ZNF493: variants seen among roughly 807,000 people sequenced by gnomAD.
ZNF493 encodes the protein zinc finger protein 493.
In ZNF493, 11 loss-of-function variants were observed where a neutral mutation model predicts 12.2. The ratio of observed to expected loss-of-function variants is 0.90; its 90% CI spans 0.57 to 1.50. The LOEUF (loss-of-function observed/expected upper bound fraction) is 1.50. Among genes scored for constraint, ZNF493 ranks in the 40% most tolerant of loss-of-function variants. ZNF493 has a pLI of 0.00. For synonymous variants in ZNF493, 286 were observed against 302.6 expected, an observed-to-expected ratio of 0.95 and a Z score of 0.57; for missense variants, 950 against 906.6, an observed-to-expected ratio of 1.05 and a Z score of -0.61.
Position 21,423,123 on chromosome 19 carries a change from A to C in ZNF493, c.464A>C (p.Gln155Pro), listed in dbSNP as rs903983069. 11 of 1,613,512 alleles carry C rather than the reference A, an allele frequency of 6.8e-6. No homozygotes were observed. The highest frequency in any genetic ancestry group is 5.5e-5 in the South Asian group (5 of 91,024). ...ACAACTACCCAGAGCAAAATATTTCAATGTGATAAATATGTGAAAGTCTTT... is the reference window on the plus strand; with the variant it reads ...ACAACTACCCAGAGCAAAATATTTCCATGTGATAAATATGTGAAAGTCTTT... ...YLTTTQSKIF[Q>P]CDKYVKVFHK... is the part of the protein sequence containing the mutation. Residue 155 changes from glutamine to proline, a missense_variant, in exon 4 of 4, where the codon CAA (glutamine) becomes CCA (proline). Coordinates refer to ENST00000392288, the MANE Select transcript of ZNF493 (RefSeq NM_001076678.3).
intron 1 of ZNF493, among the ~76,000 whole-genome samples, chr19:21,399,581 GT>G (rs1974228484): frequency 6.6e-6 from 1 of 151,844 alleles, no homozygotes; most frequent in Admixed American, 6.6e-5. Context: ...ACTTGAAAAG[GT>G]AGAAAAATAT....
In ZNF493 at chr19:21,397,287, C is replaced by T. The variant is rs1475446666; in HGVS notation, c.30+20C>T. On this transcript the variant is annotated intron_variant, in intron 1 of 3. Coordinates refer to ENST00000392288, the MANE Select transcript of ZNF493 (RefSeq NM_001076678.3). ...GACATGGTGAGAGTGCTGGGTCCGA[C>T]ATCACGAGAGAGGGGAAGGAGTTGC... 2.5e-6 allele frequency: 4 copies of T among 1,614,156 alleles called. No homozygotes were observed. In the East Asian group the frequency reaches 8.9e-5, roughly 36 times the overall value.
intron 3 of ZNF493, among the ~76,000 whole-genome samples, chr19:21,420,623 A>ATTTTTT (rs1164416201): frequency 1.2e-4 from 2 of 16,118 alleles, no homozygotes; most frequent in Non-Finnish European, 2.1e-4. Flanking sequence ...ATATATATAT[A>ATTTTTT]TTTTTTTTTT....
Position 21,424,381 on chromosome 19 carries a change from A to T in ZNF493, c.1722A>T (p.Lys574Asn). The T allele has an allele frequency of 6.2e-7, 1 of 1,613,400 alleles. No individual in the cohort carries two copies. Among genetic ancestry groups the T allele is most frequent in the Non-Finnish European group, 8.5e-7 (1 of 1,179,678 alleles). Residue 574 changes from lysine (K) to asparagine (N), a missense_variant, in exon 4 of 4, where the codon AAA becomes AAT. Coordinates refer to ENST00000392288, the MANE Select transcript of ZNF493 (RefSeq NM_001076678.3). Reference protein sequence around the residue: ...KRIHTGHKPYKCKECGKSFSV... With the variant: ...KRIHTGHKPYNCKECGKSFSV... ...TTCATACTGGACACAAACCCTACAAATGTAAAGAATGTGGCAAATCCTTTA... is the reference window on the plus strand; with the variant it reads ...TTCATACTGGACACAAACCCTACAATTGTAAAGAATGTGGCAAATCCTTTA...
chr19:21,424,942 AATTC>A lies in ZNF493; in HGVS notation c.2286_2289del (p.His763LeufsTer62). 3 of 1,603,696 alleles carry A rather than the reference AATTC, an allele frequency of 1.9e-6. No homozygotes were observed. Among genetic ancestry groups the A allele is most frequent in the Non-Finnish European group, 2.6e-6 (3 of 1,175,510 alleles). On this transcript the variant is annotated frameshift_variant, in exon 4 of 4. Transcript: ENST00000392288. LOFTEE classifies it high-confidence loss of function. ...CTTCACATCTTAGTAGACATAAGAT[AATTC>A]ATATTGGAATTCATACTGAAGAGAC... is the stretch of plus-strand genomic sequence containing the variant.
Position 21,425,313 on chromosome 19 carries a change from C to T in ZNF493, c.*329C>T, listed in dbSNP as rs1288917846. 1.9e-5 allele frequency: 8 copies of T among 431,908 alleles called. No homozygotes were observed. Among genetic ancestry groups the T allele is most frequent in the Non-Finnish European group, 1.8e-5 (4 of 223,126 alleles). The allele number at this position is 431,908 out of a possible 1,614,324, so 26.8% of individuals were successfully genotyped here. A position where few individuals can be genotyped will look rare whatever the true frequency, so the allele number is the denominator to read the frequency against. ...CAAAGCTTTTAACCACTTCTCAACC[C>T]TGCCTACACGTAAGATAATTCATAC... is the stretch of plus-strand genomic sequence containing the variant. On this transcript the variant is annotated 3_prime_UTR_variant, in exon 4 of 4. Transcript: ENST00000392288.
chr19:21,420,160 G>C (rs1227587878), intron 3 of ZNF493, among the ~76,000 whole-genome samples: 3 of 152,180 alleles, frequency 2.0e-5, no homozygotes, highest in Non-Finnish European at 2.9e-5. Flanking sequence ...TGGACCTCCT[G>C]ATTATAATCT....
At chr19:21,421,210 T>TA (rs200015701) in intron 3 of ZNF493, among the ~76,000 whole-genome samples, 182 of 151,870 alleles carry the variant, frequency 1.2e-3, no homozygotes, top group African/African-American at 4.2e-3. Context: ...AGGGTTTTTT[T>TA]ATATTTTTTT....
At chr19:21,420,625 T>TATA (rs1568382547) in intron 3 of ZNF493, among the ~76,000 whole-genome samples, 11 of 17,990 alleles carry the variant, frequency 6.1e-4, no homozygotes, top group Admixed American at 1.8e-3. Context: ...ATATATATAT[T>TATA]TTTTTTTTTT....
At position 21,423,042 on chromosome 19, in the gene ZNF493, G is replaced by T; in HGVS notation, c.383G>T (p.Ser128Ile). 1 of 1,613,564 alleles carries T rather than the reference G, an allele frequency of 6.2e-7. No individual in the cohort carries two copies. The highest frequency in any genetic ancestry group is 8.5e-7 in the Non-Finnish European group (1 of 1,179,772). ...TTACAGTTAAGAAAAGGATGTAAAAGTATGAATGAGTGTAATGTGCACAAA... is the reference window on the plus strand; with the variant it reads ...TTACAGTTAAGAAAAGGATGTAAAATTATGAATGAGTGTAATGTGCACAAA... ...KDLQLRKGCK[S>I]MNECNVHKEG... Residue 128 changes from serine (S) to isoleucine (I), a missense_variant, in exon 4 of 4, where the codon AGT (serine) becomes ATT (isoleucine). Transcript: ENST00000392288.
Position 21,423,918 on chromosome 19 carries a change from T to C in ZNF493, c.1259T>C (p.Leu420Pro), listed in dbSNP as rs1186039983. Residue 420 changes from leucine to proline, a missense_variant, in exon 4 of 4, where the codon CTT (leucine) becomes CCT (proline). Coordinates refer to ENST00000392288, the MANE Select transcript of ZNF493 (RefSeq NM_001076678.3). Reference sequence around the variant, plus strand: ...AAAGCTTATAAGGAGTCTTCACACCTTACTACACATAAAAGAATTCATACT... The same window carrying C: ...AAAGCTTATAAGGAGTCTTCACACCCTACTACACATAAAAGAATTCATACT... ...CGKAYKESSH[L>P]TTHKRIHTGE... The C allele has an allele frequency of 6.2e-7, 1 of 1,613,390 alleles. No homozygotes were observed. The highest frequency in any genetic ancestry group is 1.7e-5 in the Admixed American group (1 of 59,960).
At chr19:21,402,116 C>T (rs1453859837) in intron 1 of ZNF493, among the ~76,000 whole-genome samples, 3 of 151,848 alleles carry the variant, frequency 2.0e-5, no homozygotes, top group South Asian at 2.1e-4. Context: ...TACAGGCACC[C>T]GCCATCACGA....
At chr19:21,420,895 G>T (rs1182840850) in intron 3 of ZNF493, among the ~76,000 whole-genome samples, 1 of 151,236 alleles carries the variant, frequency 6.6e-6, no homozygotes, top group Non-Finnish European at 1.5e-5. Context: ...GGGATTACAG[G>T]CAGGCACCAT....
intron 3 of ZNF493, among the ~76,000 whole-genome samples, chr19:21,418,228 G>T (rs2030551986): frequency 6.6e-6 from 1 of 152,172 alleles, no homozygotes; most frequent in South Asian, 2.1e-4. Flanking sequence ...GAAGGGTAGG[G>T]ATGAACCTCT....
intron 3 of ZNF493, 119 bp from the exon 4 acceptor site, chr19:21,422,794 T>C (rs2030719140): frequency 2.4e-6 from 2 of 832,672 alleles, no homozygotes; most frequent in Non-Finnish European, 3.5e-6. Context: ...ATTAGAGCCT[T>C]TGGTATTTTG....
rs534013234 is a variant in ZNF493, at chr19:21,425,710, A to G, written c.*726A>G. 3.6e-5 allele frequency: 26 copies of G among 721,204 alleles called. No individual in the cohort carries two copies. In the African/African-American group the frequency reaches 4.6e-4, roughly 13 times the overall value. 44.7% of individuals were successfully genotyped at this position (721,204 alleles called of 1,614,324 possible). ...CCCTACAAATGTGAAAAATGTGGCA[A>G]AGCTTTTAACCAATTTTCAAACCTT... On this transcript the variant is annotated 3_prime_UTR_variant, in exon 4 of 4. Transcript: ENST00000392288.
In ZNF493 at chr19:21,424,567, A is replaced by G. The variant is rs775102585; in HGVS notation, c.1908A>G (p.Lys636=). The G allele has an allele frequency of 6.2e-7, 1 of 1,613,732 alleles. No homozygotes were observed. ...EKPYKCEECG[K]AFKRSSHLAG... is the part of the protein sequence containing the mutation. ...CCTACAAATGTGAAGAATGTGGCAA[A>G]GCTTTTAAGCGGTCCTCACACCTCG... is the stretch of plus-strand genomic sequence containing the variant. Residue 636 remains lysine (K), a synonymous_variant, in exon 4 of 4, where the codon AAA becomes AAG. Coordinates refer to ENST00000392288, the MANE Select transcript of ZNF493 (RefSeq NM_001076678.3).
intron 3 of ZNF493, among the ~76,000 whole-genome samples, chr19:21,411,548 C>T (rs778150306): frequency 4.0e-5 from 6 of 151,784 alleles, no homozygotes; most frequent in Non-Finnish European, 7.4e-5. Flanking sequence ...AGTGAAACCC[C>T]GTCTCTACTA....
At chr19:21,406,163 A>G (rs2030119319) in intron 3 of ZNF493, among the ~76,000 whole-genome samples, 1 of 152,058 alleles carries the variant, frequency 6.6e-6, no homozygotes, top group African/African-American at 2.4e-5. Flanking sequence ...CAGAGGTTGC[A>G]ATGAGCCAAG....
Sources: gnomAD v4.1 joint callset for allele counts (sites outside exome capture counted in the v4.1 genomes callset) on GRCh38, gnomAD v4.1.1 for gene constraint, MANE v1.5 for transcripts, NCBI Gene and HGNC (gene_info 2026-07-23, HGNC 2026-07-21) for gene names.